The following MACROD2 variants were observed in gnomAD, a reference collection of about 807,000 sequenced individuals.
MACROD2 encodes the protein mono-ADP ribosylhydrolase 2.
A neutral mutation model predicts 70.4 loss-of-function variants in MACROD2; 36 were observed. The observed-to-expected ratio is 0.51, with a 90% CI of 0.39 to 0.68. The LOEUF (loss-of-function observed/expected upper bound fraction) is 0.68, where lower values mean the gene tolerates loss of function less well. Ranked by LOEUF, MACROD2 falls within the 30% of genes least tolerant of loss-of-function variation. MACROD2 has a pLI of 0.00. For missense variants in MACROD2, 496 were observed against 538.4 expected (o/e 0.92, Z 0.78); for synonymous variants, 172 against 178.8 (o/e 0.96, Z 0.30).
chr20:15,607,931 A>C (rs1326712208), intron 8 of MACROD2, among the ~76,000 whole-genome samples: 1 of 152,248 alleles, frequency 6.6e-6, no homozygotes, highest in African/African-American at 2.4e-5. Flanking sequence ...CAATATCCAG[A>C]GATGGAATTC....
intron 8 of MACROD2, among the ~76,000 whole-genome samples, chr20:15,736,790 C>G (rs1032329450): frequency 1.3e-5 from 2 of 152,146 alleles, no homozygotes; most frequent in Non-Finnish European, 2.9e-5. Flanking sequence ...GCCATTGGCT[C>G]CACAAGACCT....
chr20:15,166,913 TAATTTAAGTATTA>T (rs1171695991), intron 5 of MACROD2, among the ~76,000 whole-genome samples: 12 of 149,906 alleles, frequency 8.0e-5, no homozygotes, highest in East Asian at 1.9e-4. Flanking sequence ...TTTAAGTATT[TAATTTAAGTATTA>T]AATTTAAGTA....
At chr20:15,749,027 A>G (rs1035297011) in intron 8 of MACROD2, among the ~76,000 whole-genome samples, 1 of 152,174 alleles carries the variant, frequency 6.6e-6, no homozygotes, top group African/African-American at 2.4e-5. Context: ...TATACAAATT[A>G]TGTATACAAA....
chr20:14,105,240 A>G (rs1601229318), intron 3 of MACROD2, among the ~76,000 whole-genome samples: 1 of 152,118 alleles, frequency 6.6e-6, no homozygotes. Flanking sequence ...TTGCTGAAAG[A>G]TGCACTGACG....
At chr20:14,565,529 C>G in intron 4 of MACROD2, among the ~76,000 whole-genome samples, 1 of 150,934 alleles carries the variant, frequency 6.6e-6, no homozygotes, top group Non-Finnish European at 1.5e-5. Flanking sequence ...GGCTTTTTTC[C>G]CCTCAGCATG....
chr20:15,739,042 C>T (rs567069737), intron 8 of MACROD2, among the ~76,000 whole-genome samples: 2 of 152,082 alleles, frequency 1.3e-5, no homozygotes, highest in South Asian at 4.2e-4. Context: ...ATGATAATTT[C>T]GAGCTAGGAT....
intron 8 of MACROD2, among the ~76,000 whole-genome samples, chr20:15,617,533 A>C (rs2049055955): frequency 6.6e-6 from 1 of 152,234 alleles, no homozygotes. Flanking sequence ...TGAACTGATA[A>C]ATATGAATGT....
At chr20:14,028,781 G>A (rs1285457965) in intron 2 of MACROD2, among the ~76,000 whole-genome samples, 1 of 152,124 alleles carries the variant, frequency 6.6e-6, no homozygotes, top group Non-Finnish European at 1.5e-5. Flanking sequence ...AGGTACCTCA[G>A]TTGGAAATGC....
At chr20:15,384,948 G>C (rs1398172478) in intron 6 of MACROD2, among the ~76,000 whole-genome samples, 1 of 152,150 alleles carries the variant, frequency 6.6e-6, no homozygotes, top group African/African-American at 2.4e-5. Flanking sequence ...TTCTTGACAA[G>C]TCATCATGAA....
intron 3 of MACROD2, among the ~76,000 whole-genome samples, chr20:14,361,082 A>G (rs538428227): frequency 3.9e-5 from 6 of 152,212 alleles, no homozygotes; most frequent in African/African-American, 1.4e-4. Context: ...TTCGGTGATA[A>G]TCCCTTTCAT....
In MACROD2 at chr20:14,416,631, T is replaced by G. The variant is rs137963389; in HGVS notation, c.272-76848T>G. ...TACTTCAGCATTGTAGGAAGCATCC[T>G]GTTATAAGCACGTCTTTCTTTTCCT... On this transcript the variant is annotated intron_variant, in intron 3 of 17. Coordinates refer to ENST00000684519, the MANE Select transcript of MACROD2 (RefSeq NM_001351661.2). Among the ~76,000 whole-genome samples, 581 of 152,362 alleles carry G rather than the reference T, an allele frequency of 3.8e-3. 2 individuals carry two copies. The highest frequency in any genetic ancestry group is 0.013 in the African/African-American group (534 of 41,586).
intron 5 of MACROD2, among the ~76,000 whole-genome samples, chr20:14,871,592 A>G (rs1047258177): frequency 2.6e-5 from 4 of 152,182 alleles, no homozygotes; most frequent in African/African-American, 9.6e-5. Flanking sequence ...GGCCAGTGAC[A>G]TAATAAAATG....
At chr20:15,478,893 G>T (rs1164697678) in intron 7 of MACROD2, among the ~76,000 whole-genome samples, 2 of 152,166 alleles carry the variant, frequency 1.3e-5, no homozygotes, top group African/African-American at 2.4e-5. Flanking sequence ...AGGCAAAATG[G>T]CCCTGTCCTG....
At chr20:14,013,593 G>T (rs1169146911) in intron 2 of MACROD2, among the ~76,000 whole-genome samples, 1 of 148,988 alleles carries the variant, frequency 6.7e-6, no homozygotes, top group Non-Finnish European at 1.5e-5. Context: ...ACTTTCCTAA[G>T]ATTATTTTGA....
chr20:14,647,661 C>T (rs1372924596), intron 4 of MACROD2, among the ~76,000 whole-genome samples: 1 of 151,886 alleles, frequency 6.6e-6, no homozygotes, highest in African/African-American at 2.4e-5. Context: ...CTAAATGTAC[C>T]CCAGCTACTA....
intron 3 of MACROD2, among the ~76,000 whole-genome samples, chr20:14,492,540 C>A (rs969779028): frequency 1.3e-5 from 2 of 152,076 alleles, no homozygotes; most frequent in African/African-American, 4.8e-5. Flanking sequence ...GGTCTGTGGG[C>A]AGCATGCTAA....
chr20:15,710,521 C>G (rs1411760035), intron 8 of MACROD2, among the ~76,000 whole-genome samples: 3 of 152,186 alleles, frequency 2.0e-5, no homozygotes, highest in Non-Finnish European at 4.4e-5. Context: ...TATATGGGCT[C>G]TCAGAACCCT....
chr20:14,575,995 T>C (rs1224028624), intron 4 of MACROD2, among the ~76,000 whole-genome samples: 1 of 152,152 alleles, frequency 6.6e-6, no homozygotes, highest in African/African-American at 2.4e-5. Context: ...CCTAAATATA[T>C]AGTTGTCTTC....
intron 11 of MACROD2, 119 bp from the exon 12 acceptor site, chr20:15,937,357 G>C: frequency 1.2e-6 from 1 of 841,228 alleles, no homozygotes; most frequent in South Asian, 1.4e-5. Flanking sequence ...GTGTATTCAA[G>C]CATGCGGCAG....
Sources: allele counts gnomAD v4.1 joint callset (sites outside exome capture counted in the v4.1 genomes callset), GRCh38; gene constraint gnomAD v4.1.1; transcripts MANE v1.5; gene names NCBI Gene and HGNC (gene_info 2026-07-23, HGNC 2026-07-21).